Variants in GOLGA4 observed in about 807,000 individuals in gnomAD.
GOLGA4 encodes golgin A4, also known as golgin subfamily A member 4.
GOLGA4 carries 169 observed loss-of-function variants against 265.9 expected under a neutral mutation model. The observed-to-expected ratio is 0.64, with a 90% CI of 0.56 to 0.72. GOLGA4 has a LOEUF of 0.72. Among genes scored for constraint, GOLGA4 ranks in the 30% least tolerant of loss-of-function variants. GOLGA4 has a pLI of 0.00. For synonymous variants in GOLGA4, 923 were observed against 855.8 expected (o/e 1.08, Z -1.37); for missense variants, 2,482 against 2,483.4 (o/e 1.00, Z 0.01).
chr3:37,265,115 TA>T (rs1477960999), intron 2 of GOLGA4, among the ~76,000 whole-genome samples: 1 of 126,106 alleles, frequency 7.9e-6, no homozygotes, highest in Non-Finnish European at 1.7e-5. Context: ...TACATGCTCA[TA>T]TTGTGTGTGT....
chr3:37,361,876 G>C (rs1427645656), intron 23 of GOLGA4, among the ~76,000 whole-genome samples: 1 of 152,220 alleles, frequency 6.6e-6, no homozygotes, highest in Non-Finnish European at 1.5e-5. Flanking sequence ...AATTGAATGT[G>C]ATTCTTCCTG....
chr3:37,323,431 A>G (rs1291238093), intron 13 of GOLGA4, among the ~76,000 whole-genome samples, 157 bp from the exon 14 acceptor site: 2 of 152,128 alleles, frequency 1.3e-5, no homozygotes, highest in African/African-American at 2.4e-5. Context: ...TCTTTGTTAT[A>G]TGATTCCTTT....
chr3:37,354,526 C>A (rs144178468), intron 21 of GOLGA4, among the ~76,000 whole-genome samples: 1 of 152,072 alleles, frequency 6.6e-6, no homozygotes, highest in East Asian at 1.9e-4. Flanking sequence ...GTTTTGCAAG[C>A]CATGTGTAAT....
intron 5 of GOLGA4, among the ~76,000 whole-genome samples, chr3:37,289,639 T>C (rs574063268): frequency 1.1e-4 from 17 of 152,244 alleles, no homozygotes; most frequent in African/African-American, 2.4e-5. Context: ...TTATGTTTAC[T>C]GTAATTTTGA....
At chr3:37,289,353 T>C in intron 5 of GOLGA4, 62 bp downstream of exon 5, 1 of 1,043,798 alleles carries the variant, frequency 9.6e-7, no homozygotes, top group Non-Finnish European at 1.5e-6. Flanking sequence ...TCAGAACTGT[T>C]GTATGTGCTA....
intron 5 of GOLGA4, among the ~76,000 whole-genome samples, chr3:37,294,578 T>A (rs552592308): frequency 1.7e-4 from 26 of 152,174 alleles, no homozygotes; most frequent in African/African-American, 6.3e-4. Flanking sequence ...AGAGACGGGG[T>A]TTCACCATTT....
intron 2 of GOLGA4, among the ~76,000 whole-genome samples, chr3:37,264,644 GTTA>G (rs1255716637): frequency 6.6e-6 from 1 of 151,840 alleles, no homozygotes; most frequent in African/African-American, 2.4e-5. Context: ...TTTTTCAGAT[GTTA>G]TTATATATGG....
chr3:37,287,197 C>T (rs534297721), intron 4 of GOLGA4, among the ~76,000 whole-genome samples: 22 of 152,188 alleles, frequency 1.4e-4, no homozygotes, highest in Admixed American at 1.2e-3. Context: ...AAAAATCAGC[C>T]GGGTGTGGTG....
chr3:37,335,237 C>A, intron 17 of GOLGA4, 71 bp downstream of exon 17: 1 of 791,386 alleles, frequency 1.3e-6, no homozygotes, highest in Non-Finnish European at 2.2e-6. Flanking sequence ...GACTAGCCTA[C>A]TAACATACAT....
rs757483877 is a variant in GOLGA4 at position 37,328,270 on chromosome 3, T to A, written c.5940-146T>A. Reference sequence around the variant, plus strand: ...CACACACACACACACACACACACACTCACTCTCACACTCTCTCTCTCTCTC... The same window carrying A: ...CACACACACACACACACACACACACACACTCTCACACTCTCTCTCTCTCTC... On this transcript the variant is annotated intron_variant, in intron 14 of 23. Transcript: ENST00000361924. 6.0e-3 allele frequency: 3,464 copies of A among 575,224 alleles called. 12 individuals carry two copies. Among genetic ancestry groups the A allele is most frequent in the Non-Finnish European group, 8.3e-3 (2,729 of 329,368 alleles). The allele number at this position is 575,224 out of a possible 1,614,324, so 35.6% of individuals were successfully genotyped here.
chr3:37,326,222 A>C lies in GOLGA4; in HGVS notation c.4336A>C (p.Lys1446Gln). 6.2e-7 allele frequency: 1 copy of C among 1,613,750 alleles called. No homozygotes were observed. Among genetic ancestry groups the C allele is most frequent in the Non-Finnish European group, 8.5e-7 (1 of 1,179,708 alleles). Reference protein sequence around the residue: ...DDWSNKFSEWKKKAQSRFTQH... With the variant: ...DDWSNKFSEWQKKAQSRFTQH... ...CTGGTCCAATAAATTCTCAGAATGG[A>C]AGAAGAAAGCACAGTCAAGATTTAC... The change falls in exon 14 of 24, where the codon AAG (lysine) becomes CAG (glutamine). Residue 1446 changes from lysine to glutamine, a missense_variant. Physicochemically the swap from Lys to Gln is moderately conservative, Grantham distance 53. This residue lies in a region of GOLGA4 where 942 missense variants were observed against 983.1 expected (regional missense o/e 0.96). Transcript: ENST00000361924.
chr3:37,262,581 C>T (rs894484913), intron 2 of GOLGA4, among the ~76,000 whole-genome samples: 1 of 151,354 alleles, frequency 6.6e-6, no homozygotes, highest in Non-Finnish European at 1.5e-5. Context: ...AGACTGATGC[C>T]AGTTAAAGAG....
rs1164326088 is a variant in GOLGA4, at chr3:37,285,916, A to T, written c.478-98A>T. The T allele has an allele frequency of 6.0e-6, 4 of 671,242 alleles. No individual in the cohort carries two copies. The East Asian group carries it at 1.0e-4, about 18-fold the overall frequency. The allele number at this position is 671,242 out of a possible 1,614,324, so 41.6% of individuals were successfully genotyped here. ...GGTTATCCTATTAAGGACTCTTCTA[A>T]TTTATTTTTTGACTTTCATAAAGAG... On this transcript the variant is annotated intron_variant, in intron 3 of 23. Coordinates refer to ENST00000361924, the MANE Select transcript of GOLGA4 (RefSeq NM_002078.5).
In GOLGA4 at chr3:37,337,665, G is replaced by A; in HGVS notation, c.6328-1G>A. The A allele has an allele frequency of 6.2e-7, 1 of 1,606,442 alleles. No individual in the cohort carries two copies. The highest frequency in any genetic ancestry group is 8.5e-7 in the Non-Finnish European group (1 of 1,173,000). ...TCAGATCTGACTTTTTGTTCTTTCA[G>A]ACACAGCTAGCACAGAAGACGACTT... is the stretch of plus-strand genomic sequence containing the variant. On this transcript the variant is annotated splice_acceptor_variant, in intron 18 of 23. Transcript: ENST00000361924. LOFTEE classifies it high-confidence loss of function.
chr3:37,317,295 G>C (rs556842623), intron 11 of GOLGA4, among the ~76,000 whole-genome samples: 190 of 152,186 alleles, frequency 1.2e-3, no homozygotes, highest in African/African-American at 3.6e-3. Context: ...TCAGCCTCCT[G>C]AGTAGCTGGG....
rs1306842256 is a variant in GOLGA4, at chr3:37,327,086, T to A, written c.5200T>A (p.Tyr1734Asn). 6.2e-7 allele frequency: 1 copy of A among 1,613,402 alleles called. No individual in the cohort carries two copies. The highest frequency in any genetic ancestry group is 1.3e-5 in the African/African-American group (1 of 74,784). ...ADSQGCVQKTYEEKISVLQRN... is the reference protein window; with the variant it reads ...ADSQGCVQKTNEEKISVLQRN... ...TTCCCAAGGCTGTGTGCAGAAGACATATGAAGAAAAAATCAGTGTTTTACA... is the reference window on the plus strand; with the variant it reads ...TTCCCAAGGCTGTGTGCAGAAGACAAATGAAGAAAAAATCAGTGTTTTACA... Residue 1734 changes from tyrosine to asparagine, a missense_variant, in exon 14 of 24, where the codon TAT (tyrosine) becomes AAT (asparagine). Tyr to Asn is a moderately radical substitution (Grantham distance 143, BLOSUM62 -2). Transcript: ENST00000361924.
chr3:37,257,289 A>G lies in GOLGA4; in HGVS notation c.162+5805A>G, dbSNP rs1187401090. Among the ~76,000 whole-genome samples, 3 of 152,034 alleles carry G rather than the reference A, an allele frequency of 2.0e-5. No individual in the cohort carries two copies. The East Asian group carries it at 5.8e-4, about 29-fold the overall frequency. ...TGAGTCTAATGATTTTTTTTAAGGG[A>G]GTAAAAATCTATGTACTGTATTAGT... On this transcript the variant is annotated intron_variant, in intron 2 of 23. Coordinates refer to ENST00000361924, the MANE Select transcript of GOLGA4 (RefSeq NM_002078.5).
chr3:37,312,075 A>G (rs932809197), intron 10 of GOLGA4, among the ~76,000 whole-genome samples: 4 of 152,198 alleles, frequency 2.6e-5, no homozygotes, highest in African/African-American at 9.7e-5. Context: ...TTTTGCTGAA[A>G]GGGTATCAAA....
At chr3:37,268,001 A>C (rs2096788106) in intron 2 of GOLGA4, among the ~76,000 whole-genome samples, 1 of 152,208 alleles carries the variant, frequency 6.6e-6, no homozygotes, top group South Asian at 2.1e-4. Flanking sequence ...TCTGGCTACA[A>C]GTAATATCTC....
Sources: gnomAD v4.1 joint callset for allele counts (sites outside exome capture counted in the v4.1 genomes callset) on GRCh38, gnomAD v4.1.1 for gene constraint, gnomAD v4.1.1 regional missense constraint, MANE v1.5 for transcripts, NCBI Gene and HGNC (gene_info 2026-07-23, HGNC 2026-07-21) for gene names.